The following UGGT2 variants were observed in gnomAD, a reference collection of about 807,000 sequenced individuals.
UGGT2 encodes UDP-glucose:glycoprotein glucosyltransferase 2.
In UGGT2, 180 loss-of-function variants were observed where a neutral mutation model predicts 192.1. The ratio of observed to expected loss-of-function variants is 0.94; its 90% confidence interval spans 0.83 to 1.06. The LOEUF (loss-of-function observed/expected upper bound fraction) is 1.06, where lower values mean the gene tolerates loss of function less well. Ranked by LOEUF, UGGT2 falls within the 50% of genes least tolerant of loss-of-function variation. The pLI, the probability that UGGT2 is intolerant of heterozygous loss-of-function variation, is 0.00. For synonymous variants in UGGT2, 580 were observed against 591.0 expected, an observed-to-expected ratio of 0.98 and a Z score of 0.27; for missense variants, 1,849 against 1,795.7, an observed-to-expected ratio of 1.03 and a Z score of -0.54.
At chr13:95,954,358 A>G (rs2140651106) in intron 12 of UGGT2, among the ~76,000 whole-genome samples, 1 of 152,308 alleles carries the variant, frequency 6.6e-6, no homozygotes, top group Non-Finnish European at 1.5e-5. Context: ...TCAGGCCATG[A>G]TGGGAAGGGG....
chr13:95,965,384 A>G (rs1395212113), intron 12 of UGGT2, among the ~76,000 whole-genome samples: 5 of 151,584 alleles, frequency 3.3e-5, no homozygotes, highest in African/African-American at 7.3e-5. Flanking sequence ...AATGTGGCAC[A>G]TATACACCAT....
chr13:95,855,707 G>A (rs1889540142), intron 34 of UGGT2, among the ~76,000 whole-genome samples: 2 of 152,098 alleles, frequency 1.3e-5, no homozygotes, highest in Admixed American at 1.3e-4. Flanking sequence ...TTCCTTAAGA[G>A]ATAGAGTGAT....
intron 1 of UGGT2, among the ~76,000 whole-genome samples, chr13:96,040,536 G>A (rs2053134453): frequency 6.6e-6 from 1 of 152,144 alleles, no homozygotes; most frequent in African/African-American, 2.4e-5. Flanking sequence ...CTGGGAGTTA[G>A]GATGTGGACA....
chr13:95,844,700 T>C (rs1290619972), intron 36 of UGGT2, among the ~76,000 whole-genome samples: 1 of 152,246 alleles, frequency 6.6e-6, no homozygotes, highest in Non-Finnish European at 1.5e-5. Context: ...GTTTTCTACC[T>C]AGATGATCAC....
chr13:95,816,191 C>T (rs1221662364), intron 38 of UGGT2, among the ~76,000 whole-genome samples: 1 of 152,138 alleles, frequency 6.6e-6, no homozygotes, highest in African/African-American at 2.4e-5. Context: ...TAAGAACGAA[C>T]TAATATTATA....
At position 95,867,601 on chromosome 13, in the gene UGGT2, T is replaced by C. The variant is rs1344875904; in HGVS notation, c.3474-178A>G. On this transcript the variant is annotated intron_variant, in intron 29 of 38. Transcript: ENST00000376747. ...CTATAATATGCTGTAATTTTCAAAA[T>C]TATCCAATAAATTTTAACTCAGTAC... is the stretch of plus-strand genomic sequence containing the variant. 2.0e-5 allele frequency among the ~76,000 whole-genome samples: 3 copies of C among 152,146 alleles called. No individual in the cohort carries two copies. The East Asian group carries it at 5.8e-4, about 29-fold the overall frequency.
chr13:96,006,272 T>C (rs1336470508), intron 5 of UGGT2, among the ~76,000 whole-genome samples: 1 of 152,134 alleles, frequency 6.6e-6, no homozygotes, highest in Non-Finnish European at 1.5e-5. Flanking sequence ...TTAAAAGCAC[T>C]GTAACAGAAA....
chr13:95,992,348 G>A (rs1042215782), intron 7 of UGGT2, among the ~76,000 whole-genome samples: 3 of 152,162 alleles, frequency 2.0e-5, no homozygotes, highest in African/African-American at 7.2e-5. Flanking sequence ...CCATTTGTTT[G>A]TGTCAGCTAT....
At chr13:95,943,596 T>C (rs753644272) in intron 15 of UGGT2, among the ~76,000 whole-genome samples, 1 of 151,982 alleles carries the variant, frequency 6.6e-6, no homozygotes, top group Non-Finnish European at 1.5e-5. Flanking sequence ...AATTAATAAA[T>C]ATTTGTTGTT....
At chr13:95,953,315 G>C (rs74106068) in intron 12 of UGGT2, among the ~76,000 whole-genome samples, 1 of 152,150 alleles carries the variant, frequency 6.6e-6, no homozygotes, top group Non-Finnish European at 1.5e-5. Flanking sequence ...TTAGTATTCC[G>C]TAAGAAAAAT....
chr13:95,839,886 G>A (rs1024985801), intron 36 of UGGT2, among the ~76,000 whole-genome samples: 2 of 152,074 alleles, frequency 1.3e-5, no homozygotes, highest in Non-Finnish European at 2.9e-5. Flanking sequence ...TAATGACAAT[G>A]GCATTGAGCA....
chr13:95,812,068 A>C (rs551542151), intron 38 of UGGT2, among the ~76,000 whole-genome samples: 1 of 152,258 alleles, frequency 6.6e-6, no homozygotes, highest in Non-Finnish European at 1.5e-5. Flanking sequence ...TTTACTGTAA[A>C]AAGACAGATA....
chr13:95,976,820 TAA>T (rs901376241), intron 10 of UGGT2, among the ~76,000 whole-genome samples: 1 of 151,990 alleles, frequency 6.6e-6, no homozygotes, highest in African/African-American at 2.4e-5. Context: ...CTACAGTAAC[TAA>T]AACCGCATGG....
intron 2 of UGGT2, among the ~76,000 whole-genome samples, chr13:96,029,482 C>A (rs890181564): frequency 5.3e-5 from 8 of 151,942 alleles, no homozygotes; most frequent in Admixed American, 2.6e-4. Context: ...GACGGGGTCT[C>A]ACAATGTTGG....
At chr13:95,854,563 T>A in intron 34 of UGGT2, 88 bp from the exon 35 acceptor site, 2 of 1,192,054 alleles carry the variant, frequency 1.7e-6, no homozygotes, top group Non-Finnish European at 2.3e-6. Flanking sequence ...ATTACTCTAC[T>A]ACAGAAATCC....
intron 20 of UGGT2, among the ~76,000 whole-genome samples, chr13:95,921,225 G>T (rs1340592075): frequency 6.6e-6 from 1 of 151,962 alleles, no homozygotes; most frequent in Non-Finnish European, 1.5e-5. Flanking sequence ...AGAGCATCAG[G>T]AAGAATAGCT....
intron 8 of UGGT2, among the ~76,000 whole-genome samples, chr13:95,987,860 TCCGGG>T (rs776152978): frequency 1.3e-5 from 2 of 152,124 alleles, no homozygotes; most frequent in Non-Finnish European, 2.9e-5. Flanking sequence ...TCTTTCCTGC[TCCGGG>T]CCCCCAAAAG....
intron 1 of UGGT2, among the ~76,000 whole-genome samples, chr13:96,037,809 C>T (rs973185184): frequency 6.6e-6 from 1 of 152,168 alleles, no homozygotes; most frequent in Non-Finnish European, 1.5e-5. Context: ...AACCTCTTTG[C>T]TTTTCCTACA....
At chr13:95,810,056 A>C (rs1438147868) in intron 38 of UGGT2, among the ~76,000 whole-genome samples, 2 of 152,160 alleles carry the variant, frequency 1.3e-5, no homozygotes, top group Non-Finnish European at 2.9e-5. Flanking sequence ...AATGGTCCTT[A>C]CGCTGGATAC....
Sources: allele counts gnomAD v4.1 joint callset (sites outside exome capture counted in the v4.1 genomes callset), GRCh38; gene constraint gnomAD v4.1.1; transcripts MANE v1.5; gene names NCBI Gene and HGNC (gene_info 2026-07-23, HGNC 2026-07-21).